NPRL3: variants seen among roughly 807,000 people sequenced by gnomAD.
NPRL3 encodes the protein NPR3 like, GATOR1 complex subunit, also known as GATOR1 complex protein NPRL3.
A neutral mutation model predicts 57.2 loss-of-function variants in NPRL3; 23 were observed. That is an observed-to-expected ratio of 0.40 (90% CI 0.29 to 0.57). The LOEUF (loss-of-function observed/expected upper bound fraction) is 0.57, where lower values mean the gene tolerates loss of function less well. Ranked by LOEUF, NPRL3 falls within the 20% of genes least tolerant of loss-of-function variation. The pLI is 0.42. For missense variants in NPRL3, 691 were observed against 767.1 expected, an observed-to-expected ratio of 0.90 and a Z score of 1.17; for synonymous variants, 333 against 321.1, an observed-to-expected ratio of 1.04 and a Z score of -0.39.
At chr16:129,288 C>G (rs1003697757) in intron 3 of NPRL3, among the ~76,000 whole-genome samples, 1 of 152,176 alleles carries the variant, frequency 6.6e-6, no homozygotes, top group South Asian at 2.1e-4. Flanking sequence ...CAGGAAATAC[C>G]TACCCACTGT....
chr16:92,388 T>A (rs777890328), intron 11 of NPRL3, among the ~76,000 whole-genome samples: 1 of 152,174 alleles, frequency 6.6e-6, no homozygotes, highest in Non-Finnish European at 1.5e-5. Context: ...TGCTCAAGTG[T>A]TGGGTCACTG....
intron 7 of NPRL3, among the ~76,000 whole-genome samples, chr16:106,500 G>A (rs1345189997): frequency 6.6e-6 from 1 of 151,626 alleles, no homozygotes; most frequent in African/African-American, 2.4e-5. Context: ...CAGGCGTGGG[G>A]GCGGGTGCCT....
chr16:103,951 T>A (rs1376586600), intron 7 of NPRL3, among the ~76,000 whole-genome samples: 1 of 152,040 alleles, frequency 6.6e-6, no homozygotes, highest in African/African-American at 2.4e-5. Context: ...CCCGTCTCTA[T>A]TAAAAGTACA....
At chr16:114,218 C>T (rs1324250990) in intron 5 of NPRL3, among the ~76,000 whole-genome samples, 5 of 152,174 alleles carry the variant, frequency 3.3e-5, no homozygotes, top group African/African-American at 9.7e-5. Context: ...CCTTTCCAGA[C>T]ATACAAAGTG....
intron 5 of NPRL3, among the ~76,000 whole-genome samples, chr16:113,856 T>G (rs971186363): frequency 2.0e-4 from 31 of 152,186 alleles, no homozygotes; most frequent in Non-Finnish European, 4.1e-4. Flanking sequence ...ATTCTCTATA[T>G]TCTCATCAGA....
rs757340771 is a variant in NPRL3 at position 85,406 on chromosome 16, G to A, written c.*1299C>T. 14 of 1,603,176 alleles carry A rather than the reference G, an allele frequency of 8.7e-6. No individual in the cohort carries two copies. The highest frequency in any genetic ancestry group is 2.2e-5 in the East Asian group (1 of 44,732). On this transcript the variant is annotated 3_prime_UTR_variant, in exon 14 of 14. Transcript: ENST00000611875. ...CCAAACTGTCCGTCCCACAGGGGAC[G>A]GGGCTTGCGTCTTGCTGCGAGCACT... is the stretch of plus-strand genomic sequence containing the variant.
At chr16:127,703 G>A (rs1183532562) in intron 3 of NPRL3, among the ~76,000 whole-genome samples, 1 of 149,078 alleles carries the variant, frequency 6.7e-6, no homozygotes, top group African/African-American at 2.5e-5. Flanking sequence ...TGCCCAGGCT[G>A]GAGTGCAGTG....
intron 11 of NPRL3, 29 bp from the exon 12 acceptor site, chr16:89,931 C>T (rs1390340329): frequency 2.0e-6 from 3 of 1,530,010 alleles, no homozygotes; most frequent in Non-Finnish European, 2.6e-6. Context: ...GAGGCTGGTC[C>T]CCCTCCCCAC....
At chr16:119,375 C>G in intron 3 of NPRL3, 120 bp from the exon 4 acceptor site, 1 of 980,666 alleles carries the variant, frequency 1.0e-6, no homozygotes, top group Non-Finnish European at 1.5e-6. Context: ...TGCTCTGCCC[C>G]GACTGCTGGT....
At chr16:127,826 T>C (rs181903463) in intron 3 of NPRL3, among the ~76,000 whole-genome samples, 1 of 151,362 alleles carries the variant, frequency 6.6e-6, no homozygotes, top group African/African-American at 2.4e-5. Flanking sequence ...GGATAACTTT[T>C]TGTATTTTTA....
intron 9 of NPRL3, among the ~76,000 whole-genome samples, chr16:96,717 T>C (rs1899024067): frequency 6.6e-6 from 1 of 151,038 alleles, no homozygotes; most frequent in Non-Finnish European, 1.5e-5. Context: ...GGGAGGATGC[T>C]TGAGCCTGGG....
At chr16:93,490 G>A (rs1273353591) in intron 9 of NPRL3, among the ~76,000 whole-genome samples, 165 bp from the exon 10 acceptor site, 1 of 151,870 alleles carries the variant, frequency 6.6e-6, no homozygotes, top group African/African-American at 2.4e-5. Context: ...CCTCCCTAAC[G>A]TGGAATAGCA....
In NPRL3 at chr16:116,581, G is replaced by A. The variant is rs140300549; in HGVS notation, c.393+720C>T. ...TCACACCTGGAATCCCAGCACTTTG[G>A]GTGGCCAAGGAGGGAAGACCATTTG... On this transcript the variant is annotated intron_variant, in intron 5 of 13. Coordinates refer to ENST00000611875, the MANE Select transcript of NPRL3 (RefSeq NM_001077350.3). Among the ~76,000 whole-genome samples, 655 of 152,262 alleles carry A rather than the reference G, an allele frequency of 4.3e-3. 7 individuals are homozygous for A. The highest frequency in any genetic ancestry group is 0.015 in the African/African-American group (607 of 41,536).
At chr16:127,686 A>G (rs1015365685) in intron 3 of NPRL3, among the ~76,000 whole-genome samples, 27 of 140,696 alleles carry the variant, frequency 1.9e-4, no homozygotes, top group South Asian at 6.7e-4. Context: ...ACGGAGTCTC[A>G]CTCTGTTGCC....
chr16:110,828 G>A (rs1439538561), intron 6 of NPRL3, among the ~76,000 whole-genome samples: 1 of 152,120 alleles, frequency 6.6e-6, no homozygotes, highest in Non-Finnish European at 1.5e-5. Flanking sequence ...GGGATTATAA[G>A]CATGAGCCAC....
chr16:90,149 A>T (rs1898702482), intron 11 of NPRL3: 1 of 470,410 alleles, frequency 2.1e-6, no homozygotes. Flanking sequence ...CCCACCACAC[A>T]CCGGGGCCAC....
Position 127,235 on chromosome 16 carries a change from A to ATTT in NPRL3, c.188+3284_188+3286dup, listed in dbSNP as rs35559832. ...CCCCTCTCTAAGACAGCACTGTCCA[A>ATTT]TTTTTTTTTTTTTTTTTTTTTTTTT... On this transcript the variant is annotated intron_variant, in intron 3 of 13. Coordinates refer to ENST00000611875, the MANE Select transcript of NPRL3 (RefSeq NM_001077350.3). The ATTT allele has an allele frequency of 3.6e-4, 36 of 99,836 alleles. 1 individual carries two copies. The highest frequency in any genetic ancestry group is 1.2e-3 in the East Asian group (4 of 3,366). 6.2% of individuals were successfully genotyped at this position (99,836 alleles called of 1,614,324 possible).
intron 5 of NPRL3, among the ~76,000 whole-genome samples, chr16:116,823 A>C (rs904692365): frequency 6.6e-4 from 97 of 146,320 alleles, no homozygotes; most frequent in African/African-American, 2.3e-3. Context: ...AAAAATACAA[A>C]AATTAGCTGG....
chr16:130,566 G>A lies in NPRL3; in HGVS notation c.144C>T (p.Ala48=). The change falls in exon 3 of 14, where the codon GCC becomes GCT. Residue 48 remains alanine (A), a synonymous_variant. Transcript: ENST00000611875. ...CATCAGCATGGTCGCCCGTGTTGCT[G>A]GCAGCGTATCTGCTACGCGGCTTAC... The part of the protein sequence containing the change: ...QTSKPRSRYA[A]SNTGDHADEQ... The A allele has an allele frequency of 6.4e-7, 1 of 1,555,412 alleles. No homozygotes were observed. Among genetic ancestry groups the A allele is most frequent in the Non-Finnish European group, 8.7e-7 (1 of 1,149,170 alleles).
Sources: allele counts gnomAD v4.1 joint callset (sites outside exome capture counted in the v4.1 genomes callset), GRCh38; gene constraint gnomAD v4.1.1; transcripts MANE v1.5; gene names NCBI Gene and HGNC (gene_info 2026-07-23, HGNC 2026-07-21).